Variants in RPH3AL observed in about 807,000 individuals in gnomAD.
The protein encoded by RPH3AL is rabphilin 3A like (without C2 domains), also known as rab effector Noc2.
A neutral mutation model predicts 43.1 loss-of-function variants in RPH3AL; 38 were observed. That is an observed-to-expected ratio of 0.88 (90% confidence interval 0.68 to 1.15). RPH3AL has a LOEUF of 1.15. Among genes scored for constraint, RPH3AL ranks in the 50% most tolerant of loss-of-function variants. RPH3AL has a pLI of 0.00. For synonymous variants in RPH3AL, 189 were observed against 176.3 expected (o/e 1.07, Z -0.57); for missense variants, 462 against 423.2 (o/e 1.09, Z -0.81).
At chr17:304,537 C>G (rs368299131) in intron 5 of RPH3AL, among the ~76,000 whole-genome samples, 4 of 152,334 alleles carry the variant, frequency 2.6e-5, no homozygotes, top group East Asian at 1.9e-4. Context: ...GCCACCCCCA[C>G]CAACAACATA....
intron 6 of RPH3AL, among the ~76,000 whole-genome samples, chr17:272,964 GGGTGAGACCCCAGCAAGGGCTACGT>G (rs2042521419): frequency 5.8e-5 from 3 of 52,028 alleles, no homozygotes; most frequent in Admixed American, 4.1e-4. Context: ...GGCTACGTCA[GGGTGAGACCCCAGCAAGGGCTACGT>G]CAGGGTGAGA....
chr17:272,749 A>G (rs1232446542), intron 6 of RPH3AL, among the ~76,000 whole-genome samples: 1 of 135,530 alleles, frequency 7.4e-6, no homozygotes, highest in Non-Finnish European at 1.6e-5. Context: ...TAGAACTTAA[A>G]GTATTATTTA....
intron 5 of RPH3AL, among the ~76,000 whole-genome samples, chr17:304,670 C>A (rs1208416043): frequency 2.6e-5 from 4 of 152,090 alleles, no homozygotes. Context: ...CACAGGAGAA[C>A]CAATGAGCCT....
chr17:304,709 G>A (rs949781665), intron 5 of RPH3AL, among the ~76,000 whole-genome samples: 3 of 152,090 alleles, frequency 2.0e-5, no homozygotes, highest in African/African-American at 4.8e-5. Flanking sequence ...CTTGAGGGAC[G>A]CCGAGATTCA....
intron 5 of RPH3AL, among the ~76,000 whole-genome samples, chr17:285,196 TC>T (rs1178983970): frequency 3.3e-5 from 5 of 150,978 alleles, no homozygotes; most frequent in Admixed American, 6.6e-5. Flanking sequence ...GAGCCCTCGG[TC>T]CCCCTGAGCC....
intron 6 of RPH3AL, among the ~76,000 whole-genome samples, chr17:257,734 G>A (rs575680477): frequency 3.5e-5 from 2 of 56,906 alleles, no homozygotes; most frequent in African/African-American, 1.4e-4. Flanking sequence ...GGAGCCGCAC[G>A]GTGTCTGTCC....
chr17:307,595 G>C (rs1489689945), intron 5 of RPH3AL, among the ~76,000 whole-genome samples: 1 of 152,232 alleles, frequency 6.6e-6, no homozygotes. Flanking sequence ...AAGGTGAGCT[G>C]AGTGCACACA....
intron 6 of RPH3AL, chr17:247,581 G>A: frequency 2.7e-6 from 1 of 367,048 alleles, no homozygotes; most frequent in Non-Finnish European, 4.9e-6. Flanking sequence ...CACCTCCTGG[G>A]CTCACGCGGT....
chr17:344,146 A>G lies in RPH3AL; in HGVS notation c.-213+8566T>C, dbSNP rs997425040. 3.8e-5 allele frequency among the ~76,000 whole-genome samples: 5 copies of G among 131,910 alleles called. 2 individuals carry two copies. The highest frequency in any genetic ancestry group is 8.6e-5 in the Non-Finnish European group (5 of 58,220). The allele number at this position is 131,910 out of a possible 152,430, so 86.5% of individuals were successfully genotyped here. ...ATCACCATCAGACATTGTCATCATC[A>G]CCATCATCATTTTTACCATCATGAT... On this transcript the variant is annotated intron_variant, in intron 1 of 9. Transcript: ENST00000331302.
Position 290,862 on chromosome 17 carries a change from G to A in RPH3AL, c.352-9008C>T, listed in dbSNP as rs113744109. ...GCAGCCTCACACTCCTGGACGGGCC[G>A]GGACAGCTTCACAGCGTCACCATCC... is the stretch of plus-strand genomic sequence containing the variant. On this transcript the variant is annotated intron_variant, in intron 5 of 9. Coordinates refer to ENST00000331302, the MANE Select transcript of RPH3AL (RefSeq NM_006987.4). The surrounding 1 kb of genome is among the most constrained non-coding windows in gnomAD (Gnocchi z 4.2). 7.7e-3 allele frequency among the ~76,000 whole-genome samples: 1,168 copies of A among 152,254 alleles called. 11 individuals carry two copies. The highest frequency in any genetic ancestry group is 0.025 in the African/African-American group (1,056 of 41,542).
intron 6 of RPH3AL, among the ~76,000 whole-genome samples, chr17:262,704 A>G (rs1041871842): frequency 7.2e-5 from 11 of 152,110 alleles, no homozygotes; most frequent in Non-Finnish European, 1.6e-4. Flanking sequence ...ACAAACCATC[A>G]AACGAATCCT....
At position 252,576 on chromosome 17, in the gene RPH3AL, G is replaced by A. The variant is rs1054000128; in HGVS notation, c.439-5291C>T. Among the ~76,000 whole-genome samples, 44 of 152,214 alleles carry A rather than the reference G, an allele frequency of 2.9e-4. 1 individual carries two copies. The highest frequency in any genetic ancestry group is 1.9e-3 in the South Asian group (9 of 4,820). On this transcript the variant is annotated intron_variant, in intron 6 of 9. Transcript: ENST00000331302. ...CATCATCGTTTTTCACTGCTCCACA[G>A]TTTGGATTTATTAAACTTAAGTAAT...
At chr17:262,773 C>G (rs2042231263) in intron 6 of RPH3AL, among the ~76,000 whole-genome samples, 1 of 152,198 alleles carries the variant, frequency 6.6e-6, no homozygotes, top group Non-Finnish European at 1.5e-5. Flanking sequence ...CCAATATTCC[C>G]CCTGCCCTAA....
At chr17:262,244 T>C (rs141873156) in intron 6 of RPH3AL, among the ~76,000 whole-genome samples, 2,331 of 152,098 alleles carry the variant, frequency 0.015, 58 homozygotes, top group African/African-American at 0.054. Flanking sequence ...TTTTAGATGG[T>C]GTCTCGCTCT....
At chr17:263,387 T>A (rs1401381394) in intron 6 of RPH3AL, among the ~76,000 whole-genome samples, 1 of 151,758 alleles carries the variant, frequency 6.6e-6, no homozygotes, top group Non-Finnish European at 1.5e-5. Flanking sequence ...TGGCCAGGAG[T>A]CAATAGAGAG....
At chr17:247,618 T>TAC in intron 6 of RPH3AL, 1 of 296,738 alleles carries the variant, frequency 3.4e-6, no homozygotes, top group South Asian at 8.1e-5. Flanking sequence ...CCTCAGCAGC[T>TAC]GGGACTACTG....
At chr17:252,682 A>C (rs1292645625) in intron 6 of RPH3AL, among the ~76,000 whole-genome samples, 1 of 152,090 alleles carries the variant, frequency 6.6e-6, no homozygotes, top group Non-Finnish European at 1.5e-5. Flanking sequence ...CACCCACCCC[A>C]TCAGCCCAGT....
At chr17:311,695 C>A (rs116166029) in intron 5 of RPH3AL, among the ~76,000 whole-genome samples, 1 of 152,202 alleles carries the variant, frequency 6.6e-6, no homozygotes, top group African/African-American at 2.4e-5. Flanking sequence ...GACATTTATA[C>A]GAGCACAAAG....
chr17:317,174 G>GC (rs2151690424), intron 5 of RPH3AL, among the ~76,000 whole-genome samples: 1 of 106,706 alleles, frequency 9.4e-6, no homozygotes, highest in Middle Eastern at 8.1e-3. Flanking sequence ...TAGTCCCTGT[G>GC]CTCCACCTCC....
Sources: allele counts gnomAD v4.1 joint callset (sites outside exome capture counted in the v4.1 genomes callset), GRCh38; gene constraint gnomAD v4.1.1; non-coding constraint Gnocchi (gnomAD v3.1); transcripts MANE v1.5; gene names NCBI Gene and HGNC (gene_info 2026-07-23, HGNC 2026-07-21).